Variants in GALNT11 observed in about 807,000 individuals in gnomAD.
GALNT11 encodes polypeptide N-acetylgalactosaminyltransferase 11.
In GALNT11, 47 loss-of-function variants were observed where a neutral mutation model predicts 72.7. The ratio of observed to expected loss-of-function variants is 0.65; its 90% CI spans 0.51 to 0.82. The LOEUF is 0.82. Ranked by LOEUF, GALNT11 falls within the 40% of genes least tolerant of loss-of-function variation. GALNT11 has a pLI of 0.00. For missense variants in GALNT11, 677 were observed against 778.4 expected, an observed-to-expected ratio of 0.87 and a Z score of 1.55; for synonymous variants, 270 against 286.6, an observed-to-expected ratio of 0.94 and a Z score of 0.58.
intron 1 of GALNT11, among the ~76,000 whole-genome samples, chr7:152,027,357 G>A (rs2082071643): frequency 6.6e-6 from 1 of 152,124 alleles, no homozygotes; most frequent in South Asian, 2.1e-4. Context: ...GGATAAGCAG[G>A]GTATCCATCT....
rs138095580 is a variant in GALNT11, at chr7:152,066,922, G to A, written c.-38-27268G>A. Among the ~76,000 whole-genome samples the A allele has an allele frequency of 1.0e-3, 159 of 152,214 alleles. 2 individuals carry two copies. The highest frequency in any genetic ancestry group is 9.5e-3 in the Admixed American group (146 of 15,294). Reference sequence around the variant, plus strand: ...AAAAGTTGAAATATCCTGAGTATTCGCAAAACGTAACACCGAAACACGAAG... The same window carrying A: ...AAAAGTTGAAATATCCTGAGTATTCACAAAACGTAACACCGAAACACGAAG... On this transcript the variant is annotated intron_variant, in intron 1 of 11. Transcript: ENST00000430044.
intron 1 of GALNT11, among the ~76,000 whole-genome samples, chr7:152,082,196 T>C (rs901714112): frequency 6.6e-6 from 1 of 152,244 alleles, no homozygotes; most frequent in Admixed American, 6.5e-5. Flanking sequence ...GTGTTAGAAA[T>C]GCTTGTTCCT....
chr7:152,086,713 T>C lies in GALNT11; in HGVS notation c.-38-7477T>C, dbSNP rs1025436436. On this transcript the variant is annotated intron_variant, in intron 1 of 11. Transcript: ENST00000430044. ...TTAGGTGCTGGCAGGTAGCCAAGAG[T>C]GAACCTAAGGAAAGTAGTTTCCCGG... Among the ~76,000 whole-genome samples the C allele has an allele frequency of 4.6e-5, 7 of 152,244 alleles. No homozygotes were observed. The East Asian group carries it at 1.2e-3, about 25-fold the overall frequency.
intron 1 of GALNT11, among the ~76,000 whole-genome samples, chr7:152,067,855 A>C (rs1398408363): frequency 6.6e-6 from 1 of 152,154 alleles, no homozygotes; most frequent in Non-Finnish European, 1.5e-5. Flanking sequence ...TGGTGCTGGC[A>C]TCTGCTTGGC....
chr7:152,031,681 C>A (rs2082310897), intron 1 of GALNT11, among the ~76,000 whole-genome samples: 1 of 152,166 alleles, frequency 6.6e-6, no homozygotes, highest in South Asian at 2.1e-4. Context: ...GTAAGGACTC[C>A]AAGAGCTATC....
chr7:152,091,390 G>A (rs770855635), intron 1 of GALNT11, among the ~76,000 whole-genome samples: 44 of 152,072 alleles, frequency 2.9e-4, no homozygotes, highest in Non-Finnish European at 4.7e-4. Context: ...ACAGGTGTGC[G>A]CCGCCACGTC....
intron 1 of GALNT11, among the ~76,000 whole-genome samples, chr7:152,089,348 T>A (rs1321576010): frequency 1.3e-5 from 2 of 152,202 alleles, no homozygotes; most frequent in Non-Finnish European, 2.9e-5. Flanking sequence ...GAAATAGCAC[T>A]CAAATATAAA....
At chr7:152,027,142 G>A (rs1157556842) in intron 1 of GALNT11, among the ~76,000 whole-genome samples, 2 of 152,130 alleles carry the variant, frequency 1.3e-5, no homozygotes, top group African/African-American at 4.8e-5. Flanking sequence ...CCAGCTACTT[G>A]GGAGGCTGAG....
chr7:152,112,908 A>T (rs2088399290), intron 7 of GALNT11, among the ~76,000 whole-genome samples: 1 of 152,212 alleles, frequency 6.6e-6, no homozygotes, highest in Non-Finnish European at 1.5e-5. Context: ...AAATAAATAA[A>T]TAAAAATAAG....
At chr7:152,049,858 A>G (rs979696726) in intron 1 of GALNT11, among the ~76,000 whole-genome samples, 4 of 151,852 alleles carry the variant, frequency 2.6e-5, no homozygotes, top group African/African-American at 4.8e-5. Flanking sequence ...TCCCTTTTTC[A>G]TGAGCAGAGG....
chr7:152,031,923 C>A (rs2082320659), intron 1 of GALNT11, among the ~76,000 whole-genome samples: 1 of 152,152 alleles, frequency 6.6e-6, no homozygotes, highest in Non-Finnish European at 1.5e-5. Flanking sequence ...TGAAGGAACC[C>A]CCACAACTGT....
At chr7:152,042,649 C>T (rs969590505) in intron 1 of GALNT11, among the ~76,000 whole-genome samples, 3 of 152,156 alleles carry the variant, frequency 2.0e-5, no homozygotes, top group Non-Finnish European at 1.5e-5. Context: ...TTCCTGTTCC[C>T]ATGCCAGGGA....
chr7:152,074,202 C>T (rs972764341), intron 1 of GALNT11: 2 of 152,110 alleles, frequency 1.3e-5, no homozygotes, highest in African/African-American at 4.8e-5. Context: ...AAGTTGTATT[C>T]ATAAAATATT....
chr7:152,100,172 C>T (rs533069165), intron 2 of GALNT11, among the ~76,000 whole-genome samples: 3 of 152,006 alleles, frequency 2.0e-5, no homozygotes. Context: ...CTGTCAAGGG[C>T]CACTGGGGTT....
chr7:152,061,288 G>A (rs986254943), intron 1 of GALNT11, among the ~76,000 whole-genome samples: 4 of 152,140 alleles, frequency 2.6e-5, no homozygotes, highest in African/African-American at 7.2e-5. Flanking sequence ...AGAAGTGTCT[G>A]TTCATATCTT....
intron 1 of GALNT11, among the ~76,000 whole-genome samples, chr7:152,052,742 T>A (rs572077817): frequency 3.4e-4 from 52 of 152,326 alleles, no homozygotes; most frequent in African/African-American, 1.3e-3. Context: ...ACTTAAACTC[T>A]CCTTTGCTAT....
At chr7:152,106,077 C>T (rs1221790472) in intron 5 of GALNT11, among the ~76,000 whole-genome samples, 1 of 151,932 alleles carries the variant, frequency 6.6e-6, no homozygotes, top group African/African-American at 2.4e-5. Flanking sequence ...AATTGGTCTC[C>T]CTGAGTTTCA....
At chr7:152,091,193 G>A (rs547252205) in intron 1 of GALNT11, among the ~76,000 whole-genome samples, 203 of 151,220 alleles carry the variant, frequency 1.3e-3, no homozygotes, top group Non-Finnish European at 2.3e-3. Flanking sequence ...GATTACAGGC[G>A]CCCGCCACCA....
chr7:152,057,958 T>C (rs570397389), intron 1 of GALNT11, among the ~76,000 whole-genome samples: 3 of 152,316 alleles, frequency 2.0e-5, no homozygotes, highest in Admixed American at 2.0e-4. Flanking sequence ...TGACAGTTTC[T>C]CACACTTTCC....
Sources: gnomAD v4.1 joint callset for allele counts (sites outside exome capture counted in the v4.1 genomes callset) on GRCh38, gnomAD v4.1.1 for gene constraint, MANE v1.5 for transcripts, NCBI Gene and HGNC (gene_info 2026-07-23, HGNC 2026-07-21) for gene names.